Variants in ETV2 observed in about 807,000 individuals in gnomAD.
ETV2 encodes ETS variant transcription factor 2.
In ETV2, 34 loss-of-function variants were observed where a neutral mutation model predicts 35.7. That is an observed-to-expected ratio of 0.95 (90% confidence interval 0.72 to 1.27). The LOEUF (loss-of-function observed/expected upper bound fraction) is 1.27, where lower values mean the gene tolerates loss of function less well. ETV2 is among the 50% of genes most tolerant of loss of function. The pLI, the probability that ETV2 is intolerant of heterozygous loss-of-function variation, is 0.00. For missense variants in ETV2, 512 were observed against 470.5 expected (o/e 1.09, Z -0.82); for synonymous variants, 207 against 203.9 (o/e 1.02, Z -0.13).
At position 35,644,367 on chromosome 19, in the gene ETV2, C is replaced by T. The variant is rs1599616930; in HGVS notation, c.828+20C>T. On this transcript the variant is annotated intron_variant, in intron 6 of 6. Coordinates refer to ENST00000402764, the MANE Select transcript of ETV2 (RefSeq NM_014209.4). This position sits in a 1 kb window ranked among gnomAD's most constrained non-coding sequence, Gnocchi z 4.7. ...AAAGAGGTGGGGCAGCTCCCCTGCC[C>T]AGCCAAATCCGCCCCGTCTCTTCTA... is the stretch of plus-strand genomic sequence containing the variant. 1 of 1,363,356 alleles carries T rather than the reference C, an allele frequency of 7.3e-7. No homozygotes were observed. The highest frequency in any genetic ancestry group is 2.8e-5 in the East Asian group (1 of 36,210). 84.5% of individuals were successfully genotyped at this position (1,363,356 alleles called of 1,614,324 possible).
Position 35,643,809 on chromosome 19 carries a change from C to A in ETV2, c.715+56C>A. On this transcript the variant is annotated intron_variant, in intron 5 of 6. Coordinates refer to ENST00000402764, the MANE Select transcript of ETV2 (RefSeq NM_014209.4). This position sits in a 1 kb window ranked among gnomAD's most constrained non-coding sequence, Gnocchi z 5.0. ...CGAAGCTGGAGTCCTGAGCCGGGAC[C>A]CAGGCACCTAAGGGGGCGGGGCCCG... 6.2e-7 allele frequency: 1 copy of A among 1,607,376 alleles called. No homozygotes were observed. The highest frequency in any genetic ancestry group is 8.5e-7 in the Non-Finnish European group (1 of 1,178,482).
chr19:35,642,340 C>A lies in ETV2; in HGVS notation c.-27-94C>A. 1 of 662,570 alleles carries A rather than the reference C, an allele frequency of 1.5e-6. No homozygotes were observed. The allele number at this position is 662,570 out of a possible 1,614,324, so 41.0% of individuals were successfully genotyped here. ...AAGGAGGGAGCGGAGGCCTGGACTC[C>A]TGGCTCTGAGGGAAGCTAGGGCTGG... is the stretch of plus-strand genomic sequence containing the variant. On this transcript the variant is annotated intron_variant, in intron 1 of 6. Coordinates refer to ENST00000402764, the MANE Select transcript of ETV2 (RefSeq NM_014209.4). This position sits in a 1 kb window ranked among gnomAD's most constrained non-coding sequence, Gnocchi z 4.4.
At position 35,643,140 on chromosome 19, in the gene ETV2, A is replaced by T. The variant is rs1182863376; in HGVS notation, c.235+95A>T. On this transcript the variant is annotated intron_variant, in intron 4 of 6. Transcript: ENST00000402764. This position sits in a 1 kb window ranked among gnomAD's most constrained non-coding sequence, Gnocchi z 5.0. ...TCCCTGATCTTTGAGGACTGAGAACACCTGCGCCCTCAAGGTGGCATGACC... is the reference window on the plus strand; with the variant it reads ...TCCCTGATCTTTGAGGACTGAGAACTCCTGCGCCCTCAAGGTGGCATGACC... The T allele has an allele frequency of 3.3e-5, 46 of 1,390,446 alleles. No individual in the cohort carries two copies. The highest frequency in any genetic ancestry group is 4.5e-5 in the Non-Finnish European group (46 of 1,017,320). 86.1% of individuals were successfully genotyped at this position (1,390,446 alleles called of 1,614,324 possible). A position where few individuals can be genotyped will look rare whatever the true frequency, so the allele number is the denominator to read the frequency against.
chr19:35,643,333 TG>T lies in ETV2; in HGVS notation c.298del (p.Asp100ThrfsTer107). On this transcript the variant is annotated frameshift_variant, in exon 5 of 7. Coordinates refer to ENST00000402764, the MANE Select transcript of ETV2 (RefSeq NM_014209.4). LOFTEE classifies it high-confidence loss of function. This position sits in a 1 kb window ranked among gnomAD's most constrained non-coding sequence, Gnocchi z 5.0. The part of the protein sequence containing the change: ...GDWTDMACTA[W>X]DSWSGASQTL... ...CTGGACAGACATGGCGTGCACAGCC[TG>T]GGACTCTTGGAGCGGCGCCTCGCAG... is the stretch of plus-strand genomic sequence containing the variant. The T allele has an allele frequency of 6.3e-7, 1 of 1,598,854 alleles. No homozygotes were observed.
In ETV2 at chr19:35,642,739, G is replaced by A. The variant is rs951934747; in HGVS notation, c.154+41G>A. 16 of 1,479,418 alleles carry A rather than the reference G, an allele frequency of 1.1e-5. No homozygotes were observed. The highest frequency in any genetic ancestry group is 1.7e-4 in the Middle Eastern group (1 of 5,766). The allele number at this position is 1,479,418 out of a possible 1,614,324, so 91.6% of individuals were successfully genotyped here. Reference sequence around the variant, plus strand: ...GACCCCTAAGTGCTGGAGAAGAAGCGGGGAGGCTGGGATCCTAGGGCAAAG... The same window carrying A: ...GACCCCTAAGTGCTGGAGAAGAAGCAGGGAGGCTGGGATCCTAGGGCAAAG... On this transcript the variant is annotated intron_variant, in intron 3 of 6. Coordinates refer to ENST00000402764, the MANE Select transcript of ETV2 (RefSeq NM_014209.4). This position sits in a 1 kb window ranked among gnomAD's most constrained non-coding sequence, Gnocchi z 4.4.
rs1190976379 is a variant in ETV2 at position 35,644,111 on chromosome 19, A to AG, written c.716-117dup. The AG allele has an allele frequency of 4.4e-5, 32 of 726,402 alleles. No homozygotes were observed. The highest frequency in any genetic ancestry group is 7.1e-4 in the Middle Eastern group (2 of 2,828). 45.0% of individuals were successfully genotyped at this position (726,402 alleles called of 1,614,324 possible). A position where few individuals can be genotyped will look rare whatever the true frequency, so the allele number is the denominator to read the frequency against. On this transcript the variant is annotated intron_variant, in intron 5 of 6. Transcript: ENST00000402764. The surrounding 1 kb of genome is among the most constrained non-coding windows in gnomAD (Gnocchi z 4.7). The stretch of plus-strand genomic sequence containing the variant: ...AAGGCTGACTGTTGGATCTCAGAGA[A>AG]GGGGGGGCGGATCCCCTTCTCGGGT...
At position 35,643,630 on chromosome 19, in the gene ETV2, C is replaced by T. The variant is rs2146363064; in HGVS notation, c.592C>T (p.Leu198=). 6.2e-7 allele frequency: 1 copy of T among 1,613,272 alleles called. No homozygotes were observed. The highest frequency in any genetic ancestry group is 1.1e-5 in the South Asian group (1 of 91,032). ...CTGTACCACCTCCTGGAACCCGGGGCTGCATGCGGGTGGCACCACCTCTTT... is the reference window on the plus strand; with the variant it reads ...CTGTACCACCTCCTGGAACCCGGGGTTGCATGCGGGTGGCACCACCTCTTT... ...PDCTTSWNPG[L]HAGGTTSLKR... is the part of the protein sequence containing the mutation. The change falls in exon 5 of 7, where the codon CTG becomes TTG. Residue 198 remains leucine, a synonymous_variant. Coordinates refer to ENST00000402764, the MANE Select transcript of ETV2 (RefSeq NM_014209.4). This position sits in a 1 kb window ranked among gnomAD's most constrained non-coding sequence, Gnocchi z 5.0.
Position 35,642,488 on chromosome 19 carries a change from T to C in ETV2, c.28T>C (p.Ser10Pro), listed in dbSNP as rs1361749637. Residue 10 changes from serine (S) to proline (P), a missense_variant, in exon 2 of 7, where the codon TCC (serine) becomes CCC (proline). Physicochemically the swap from Ser to Pro is moderately conservative, Grantham distance 74. Transcript: ENST00000402764. This position sits in a 1 kb window ranked among gnomAD's most constrained non-coding sequence, Gnocchi z 4.4. ...GGACCTGTGGAACTGGGATGAGGCA[T>C]CCCCACAGGAAGTGCCTCCAGGGAA... is the stretch of plus-strand genomic sequence containing the variant. MDLWNWDEA[S>P]PQEVPPGNKL... is the part of the protein sequence containing the mutation. 1.4e-5 allele frequency: 22 copies of C among 1,609,078 alleles called. No individual in the cohort carries two copies. The highest frequency in any genetic ancestry group is 1.6e-5 in the Non-Finnish European group (19 of 1,177,150).
At position 35,642,194 on chromosome 19, in the gene ETV2, G is replaced by A. The variant is rs577157712; in HGVS notation, c.-28+38G>A. On this transcript the variant is annotated intron_variant, in intron 1 of 6. Coordinates refer to ENST00000402764, the MANE Select transcript of ETV2 (RefSeq NM_014209.4). The surrounding 1 kb of genome is among the most constrained non-coding windows in gnomAD (Gnocchi z 4.4). ...CTGAGGACTAGATGCCTGGGTGTCTGGGTTAGGAAGGACCTGGGGGACTAG... is the reference window on the plus strand; with the variant it reads ...CTGAGGACTAGATGCCTGGGTGTCTAGGTTAGGAAGGACCTGGGGGACTAG... 1.1e-5 allele frequency: 4 copies of A among 352,948 alleles called. No homozygotes were observed. The highest frequency in any genetic ancestry group is 2.1e-5 in the Non-Finnish European group (4 of 194,226). The allele number at this position is 352,948 out of a possible 1,614,324, so 21.9% of individuals were successfully genotyped here. A position where few individuals can be genotyped will look rare whatever the true frequency, so the allele number is the denominator to read the frequency against.
In ETV2 at chr19:35,644,451, TC is replaced by T; in HGVS notation, c.828+108del. On this transcript the variant is annotated intron_variant, in intron 6 of 6. Transcript: ENST00000402764. The surrounding 1 kb of genome is among the most constrained non-coding windows in gnomAD (Gnocchi z 4.7). ...ACCGCGTAGCCCTCGGCCCCGCCGC[TC>T]CCCGGCCCACTCGAGGCCCCGCCCA... 1.0e-6 allele frequency: 1 copy of T among 957,240 alleles called. No individual in the cohort carries two copies. The allele number at this position is 957,240 out of a possible 1,614,324, so 59.3% of individuals were successfully genotyped here. A position where few individuals can be genotyped will look rare whatever the true frequency, so the allele number is the denominator to read the frequency against.
rs1369468024 is a variant in ETV2, at chr19:35,642,283, A to C, written c.-28+127A>C. ...CAGAGGAAGAGAGCTGGGGTCCCTC[A>C]CTCCCAGGACCAAGATTTTAGGCTC... On this transcript the variant is annotated intron_variant, in intron 1 of 6. Transcript: ENST00000402764. The surrounding 1 kb of genome is among the most constrained non-coding windows in gnomAD (Gnocchi z 4.4). 2 of 556,686 alleles carry C rather than the reference A, an allele frequency of 3.6e-6. No homozygotes were observed. Among genetic ancestry groups the C allele is most frequent in the African/African-American group, 3.9e-5 (2 of 51,690 alleles). 34.5% of individuals were successfully genotyped at this position (556,686 alleles called of 1,614,324 possible).
chr19:35,643,551 C>G lies in ETV2; in HGVS notation c.513C>G (p.Gly171=), dbSNP rs1257504873. 3.2e-6 allele frequency: 5 copies of G among 1,556,384 alleles called. No individual in the cohort carries two copies. The Middle Eastern group carries it at 5.0e-4, about 156-fold the overall frequency. The change falls in exon 5 of 7, where the codon GGC becomes GGG. Residue 171 remains glycine (G), a synonymous_variant. Coordinates refer to ENST00000402764, the MANE Select transcript of ETV2 (RefSeq NM_014209.4). The surrounding 1 kb of genome is among the most constrained non-coding windows in gnomAD (Gnocchi z 5.0). Reference sequence around the variant, plus strand: ...ATACCTACTGGGGCAGTGGCCTGGGCGGGGAGCCGCGCACGGACTGTACCA... The same window carrying G: ...ATACCTACTGGGGCAGTGGCCTGGGGGGGGAGCCGCGCACGGACTGTACCA... ...DGDTYWGSGL[G]GEPRTDCTIS...
In ETV2 at chr19:35,643,498, T is replaced by A; in HGVS notation, c.460T>A (p.Trp154Arg). The A allele has an allele frequency of 6.5e-7, 1 of 1,549,672 alleles. No individual in the cohort carries two copies. The highest frequency in any genetic ancestry group is 1.2e-5 in the South Asian group (1 of 84,050). Residue 154 changes from tryptophan to arginine, a missense_variant, in exon 5 of 7, where the codon TGG becomes AGG. Physicochemically the swap from Trp to Arg is moderately radical, Grantham distance 101. Transcript: ENST00000402764. This position sits in a 1 kb window ranked among gnomAD's most constrained non-coding sequence, Gnocchi z 5.0. ...RAQAAGSNTS[W>R]DCSVGPDGDT... is the part of the protein sequence containing the mutation. ...CCAGGCCGCCGGGAGCAACACCAGC[T>A]GGGACTGTTCTGTGGGGCCCGACGG...
Position 35,644,766 on chromosome 19 carries a change from A to C in ETV2, c.943A>C (p.Lys315Gln). ...CATCGTGCGCAAGAGCGGGGGGCGA[A>C]AGTACACGTACCGCTTCGGGGGCCG... ...RDIVRKSGGR[K>Q]YTYRFGGRVP... Residue 315 changes from lysine (K) to glutamine (Q), a missense_variant, in exon 7 of 7, where the codon AAG becomes CAG. Lys to Gln is a moderately conservative substitution (Grantham distance 53). Transcript: ENST00000402764. The surrounding 1 kb of genome is among the most constrained non-coding windows in gnomAD (Gnocchi z 4.7). 1.2e-6 allele frequency: 2 copies of C among 1,611,584 alleles called. No individual in the cohort carries two copies. Among genetic ancestry groups the C allele is most frequent in the South Asian group, 1.1e-5 (1 of 90,824 alleles).
In ETV2 at chr19:35,642,697, A is replaced by G. The variant is rs2146360628; in HGVS notation, c.153A>G (p.Lys51=). Reference sequence around the variant, plus strand: ...CAGCGACAGCAGAGACATGCTGGAAAGGTGGCTGCGGGCTGGGACCCCTAA... The same window carrying G: ...CAGCGACAGCAGAGACATGCTGGAAGGGTGGCTGCGGGCTGGGACCCCTAA... ...TPTATAETCW[K]GTSSSLASFP... Residue 51 remains lysine (K), a splice_region_variant and synonymous_variant, in exon 3 of 7, where the codon AAA becomes AAG. Coordinates refer to ENST00000402764, the MANE Select transcript of ETV2 (RefSeq NM_014209.4). This position sits in a 1 kb window ranked among gnomAD's most constrained non-coding sequence, Gnocchi z 4.4. 1 of 1,590,370 alleles carries G rather than the reference A, an allele frequency of 6.3e-7. No individual in the cohort carries two copies. Among genetic ancestry groups the G allele is most frequent in the East Asian group, 2.3e-5 (1 of 43,806 alleles).
rs1967639771 is a variant in ETV2 at position 35,642,842 on chromosome 19, A to G, written c.155-123A>G. The G allele has an allele frequency of 4.2e-6, 4 of 963,428 alleles. No homozygotes were observed. The highest frequency in any genetic ancestry group is 6.5e-6 in the Non-Finnish European group (4 of 619,948). The allele number at this position is 963,428 out of a possible 1,614,324, so 59.7% of individuals were successfully genotyped here. Reference sequence around the variant, plus strand: ...GCTTGACCCCTGAGGGTGAAGGAAAAGGGGGCGCGGGGTGCTGAAATACGG... The same window carrying G: ...GCTTGACCCCTGAGGGTGAAGGAAAGGGGGGCGCGGGGTGCTGAAATACGG... On this transcript the variant is annotated intron_variant, in intron 3 of 6. Coordinates refer to ENST00000402764, the MANE Select transcript of ETV2 (RefSeq NM_014209.4). The surrounding 1 kb of genome is among the most constrained non-coding windows in gnomAD (Gnocchi z 4.4).
chr19:35,644,200 G>T lies in ETV2; in HGVS notation c.716-35G>T. Reference sequence around the variant, plus strand: ...ATTGAAGTGGTGTGATCTAGGGCCGGGAAGACTGAGTGTGCCCCTCCCTTC... The same window carrying T: ...ATTGAAGTGGTGTGATCTAGGGCCGTGAAGACTGAGTGTGCCCCTCCCTTC... On this transcript the variant is annotated intron_variant, in intron 5 of 6. Transcript: ENST00000402764. The surrounding 1 kb of genome is among the most constrained non-coding windows in gnomAD (Gnocchi z 4.7). The T allele has an allele frequency of 7.2e-7, 1 of 1,395,752 alleles. No homozygotes were observed. The highest frequency in any genetic ancestry group is 9.9e-7 in the Non-Finnish European group (1 of 1,005,306). 86.5% of individuals were successfully genotyped at this position (1,395,752 alleles called of 1,614,324 possible). A position where few individuals can be genotyped will look rare whatever the true frequency, so the allele number is the denominator to read the frequency against.
chr19:35,644,691 A>G lies in ETV2; in HGVS notation c.868A>G (p.Met290Val), dbSNP rs773445775. 12 of 1,603,570 alleles carry G rather than the reference A, an allele frequency of 7.5e-6. No homozygotes were observed. In the African/African-American group the frequency reaches 1.2e-4, roughly 16 times the overall value. ...LWGERKRKPG[M>V]NYEKLSRGLR... The stretch of plus-strand genomic sequence containing the variant: ...GGGCGAGCGCAAGAGAAAGCCGGGC[A>G]TGAATTACGAGAAGCTGAGCCGGGG... The change falls in exon 7 of 7, where the codon ATG becomes GTG. Residue 290 changes from methionine (M) to valine (V), a missense_variant. Physicochemically the swap from Met to Val is conservative, Grantham distance 21. Coordinates refer to ENST00000402764, the MANE Select transcript of ETV2 (RefSeq NM_014209.4). The surrounding 1 kb of genome is among the most constrained non-coding windows in gnomAD (Gnocchi z 4.7).
Position 35,643,116 on chromosome 19 carries a change from C to G in ETV2, c.235+71C>G. ...GGCACCGGGGCTAGAGGTGTAGACT[C>G]CCTGATCTTTGAGGACTGAGAACAC... On this transcript the variant is annotated intron_variant, in intron 4 of 6. Coordinates refer to ENST00000402764, the MANE Select transcript of ETV2 (RefSeq NM_014209.4). This position sits in a 1 kb window ranked among gnomAD's most constrained non-coding sequence, Gnocchi z 5.0. 1.5e-6 allele frequency: 2 copies of G among 1,375,732 alleles called. No homozygotes were observed. The highest frequency in any genetic ancestry group is 2.6e-5 in the South Asian group (2 of 78,132). 85.2% of individuals were successfully genotyped at this position (1,375,732 alleles called of 1,614,324 possible). A position where few individuals can be genotyped will look rare whatever the true frequency, so the allele number is the denominator to read the frequency against.
Sources: gnomAD v4.1 joint callset for allele counts on GRCh38, gnomAD v4.1.1 for gene constraint, Gnocchi (gnomAD v3.1) non-coding constraint, MANE v1.5 for transcripts, NCBI Gene and HGNC (gene_info 2026-07-23, HGNC 2026-07-21) for gene names.